Variants in LRP6 observed in about 807,000 individuals in gnomAD.
LRP6 encodes the protein LDL receptor related protein 6, also known as low-density lipoprotein receptor-related protein 6.
A neutral mutation model predicts 184.1 loss-of-function variants in LRP6; 43 were observed. That is an observed-to-expected ratio of 0.23 (90% CI 0.18 to 0.30). The LOEUF (loss-of-function observed/expected upper bound fraction) is 0.30. LRP6 is among the 10% of genes least tolerant of loss of function. The pLI is 1.00. For missense variants in LRP6, 1,571 were observed against 2,005.3 expected, an observed-to-expected ratio of 0.78 and a Z score of 4.14; for synonymous variants, 719 against 684.9, an observed-to-expected ratio of 1.05 and a Z score of -0.78.
chr12:12,256,829 T>C (rs994272047), intron 1 of LRP6, among the ~76,000 whole-genome samples: 26 of 152,120 alleles, frequency 1.7e-4, no homozygotes, highest in African/African-American at 6.3e-4. Flanking sequence ...TTTTTTAACG[T>C]ATCAAAAGCT....
intron 2 of LRP6, among the ~76,000 whole-genome samples, chr12:12,216,600 T>G (rs565313118): frequency 2.6e-4 from 39 of 151,786 alleles, no homozygotes; most frequent in African/African-American, 9.4e-4. Flanking sequence ...TCACAAATTC[T>G]GATATTTTGT....
At chr12:12,266,563 C>A in intron 1 of LRP6, 118 bp downstream of exon 1, 1 of 898,316 alleles carries the variant, frequency 1.1e-6, no homozygotes, top group South Asian at 1.5e-5. Context: ...ACGACCAGGC[C>A]TCTCCCCGCT....
At chr12:12,211,390 C>T (rs923691660) in intron 2 of LRP6, among the ~76,000 whole-genome samples, 24 of 152,072 alleles carry the variant, frequency 1.6e-4, no homozygotes, top group South Asian at 2.1e-4. Flanking sequence ...TGCAATGAGC[C>T]GAGATCGTGC....
chr12:12,121,991 A>T (rs1949612799), intron 22 of LRP6, among the ~76,000 whole-genome samples: 1 of 152,190 alleles, frequency 6.6e-6, no homozygotes, highest in South Asian at 2.1e-4. Context: ...GCAAAGGGAA[A>T]TTGCTGTGAT....
At chr12:12,180,101 G>GT in intron 6 of LRP6, 120 bp from the exon 7 acceptor site, 6 of 738,498 alleles carry the variant, frequency 8.1e-6, no homozygotes, top group South Asian at 1.7e-5. Flanking sequence ...CCAAGGAAGG[G>GT]GAAAAAAAAA....
At chr12:12,166,941 A>G (rs1361880350) in intron 7 of LRP6, among the ~76,000 whole-genome samples, 2 of 152,102 alleles carry the variant, frequency 1.3e-5, no homozygotes, top group Non-Finnish European at 2.9e-5. Flanking sequence ...CTACAAAAAT[A>G]CCAAAAAATT....
At chr12:12,249,105 G>A in intron 1 of LRP6, 1 of 703,942 alleles carries the variant, frequency 1.4e-6, no homozygotes, top group Non-Finnish European at 2.6e-6. Context: ...TCTAGACAAT[G>A]ATAAAGACGT....
At chr12:12,240,830 G>C (rs1591979028) in intron 2 of LRP6, among the ~76,000 whole-genome samples, 1 of 152,244 alleles carries the variant, frequency 6.6e-6, no homozygotes, top group Admixed American at 6.5e-5. Context: ...AGGGGCTCCA[G>C]CATTAGGAGC....
intron 4 of LRP6, 115 bp downstream of exon 4, chr12:12,186,808 T>C: frequency 4.2e-6 from 4 of 955,194 alleles, no homozygotes; most frequent in East Asian, 2.4e-5. Flanking sequence ...CTCTTTTTTA[T>C]TCCCGCCAAC....
rs539910814 is a variant in LRP6, at chr12:12,167,050, A to G, written c.1546-1755T>C. ...GGAGTTTGAGGCTGCAGTGAGCTATAATCAAGCCACTGTACTCCAGCCTAA... is the reference window on the plus strand; with the variant it reads ...GGAGTTTGAGGCTGCAGTGAGCTATGATCAAGCCACTGTACTCCAGCCTAA... On this transcript the variant is annotated intron_variant, in intron 7 of 22. Transcript: ENST00000261349. Among the ~76,000 whole-genome samples, 4 of 152,288 alleles carry G rather than the reference A, an allele frequency of 2.6e-5. No individual in the cohort carries two copies. In the South Asian group the frequency reaches 8.3e-4, roughly 32 times the overall value.
chr12:12,126,819 T>C lies in LRP6; in HGVS notation c.4184A>G (p.Gln1395Arg). 6.2e-7 allele frequency: 1 copy of C among 1,614,144 alleles called. No individual in the cohort carries two copies. The highest frequency in any genetic ancestry group is 8.5e-7 in the Non-Finnish European group (1 of 1,179,976). The change falls in exon 20 of 23, where the codon CAG becomes CGG. Residue 1395 changes from glutamine to arginine, a missense_variant. Physicochemically the swap from Gln to Arg is conservative, Grantham distance 43 (BLOSUM62 1). This residue lies in a region of LRP6 where 763 missense variants were observed against 859.5 expected (regional missense o/e 0.89). Coordinates refer to ENST00000261349, the MANE Select transcript of LRP6 (RefSeq NM_002336.3). Reference sequence around the variant, plus strand: ...CTTCATACGTGGACACAACATCCTCTGGCAGATAAAGTATACAGTTCCAGA... The same window carrying C: ...CTTCATACGTGGACACAACATCCTCCGGCAGATAAAGTATACAGTTCCAGA... The part of the protein sequence containing the change: ...FVSGTVYFIC[Q>R]RMLCPRMKGD...
intron 22 of LRP6, among the ~76,000 whole-genome samples, chr12:12,123,591 AC>A (rs1406984925): frequency 6.6e-6 from 1 of 152,212 alleles, no homozygotes; most frequent in Non-Finnish European, 1.5e-5. Flanking sequence ...ATGCCCATGA[AC>A]CCTGGGCACT....
At chr12:12,256,741 G>A (rs1011021802) in intron 1 of LRP6, among the ~76,000 whole-genome samples, 5 of 152,170 alleles carry the variant, frequency 3.3e-5, no homozygotes, top group East Asian at 1.9e-4. Context: ...AGGAGGCAGA[G>A]GTTGCAGTGA....
intron 7 of LRP6, among the ~76,000 whole-genome samples, chr12:12,175,249 C>T (rs952936015): frequency 9.9e-5 from 15 of 151,948 alleles, no homozygotes; most frequent in South Asian, 2.1e-4. Context: ...CTTAGCTAGG[C>T]GTGGTGGCAT....
chr12:12,185,096 A>G (rs1220261787), intron 4 of LRP6, among the ~76,000 whole-genome samples: 2 of 152,090 alleles, frequency 1.3e-5, no homozygotes, highest in Admixed American at 1.3e-4. Context: ...GGAGTTTGAG[A>G]CCAGCCTGGG....
At chr12:12,145,997 G>A (rs934100196) in intron 15 of LRP6, among the ~76,000 whole-genome samples, 2 of 151,702 alleles carry the variant, frequency 1.3e-5, no homozygotes, top group Non-Finnish European at 2.9e-5. Context: ...TATACTATAC[G>A]GTTTCAAATT....
chr12:12,215,200 A>C (rs1864309877), intron 2 of LRP6, among the ~76,000 whole-genome samples: 2 of 152,180 alleles, frequency 1.3e-5, no homozygotes, highest in African/African-American at 2.4e-5. Flanking sequence ...AATAAACATA[A>C]AGTTAACATT....
At chr12:12,203,458 G>A (rs1409249685) in intron 2 of LRP6, 58 bp from the exon 3 acceptor site, 1 of 1,372,754 alleles carries the variant, frequency 7.3e-7, no homozygotes, top group Admixed American at 1.7e-5. Context: ...CAAATACTCT[G>A]TAATTATTAC....
intron 1 of LRP6, among the ~76,000 whole-genome samples, chr12:12,251,833 G>C (rs1430490566): frequency 2.0e-5 from 3 of 152,068 alleles, no homozygotes; most frequent in Non-Finnish European, 4.4e-5. Flanking sequence ...AAAAGGGTAA[G>C]GTTCTTCACC....
Sources: gnomAD v4.1 joint callset for allele counts (sites outside exome capture counted in the v4.1 genomes callset) on GRCh38, gnomAD v4.1.1 for gene constraint, gnomAD v4.1.1 regional missense constraint, MANE v1.5 for transcripts, NCBI Gene and HGNC (gene_info 2026-07-23, HGNC 2026-07-21) for gene names.